The following SH3RF3 variants were observed in gnomAD, a reference collection of about 807,000 sequenced individuals.
The protein encoded by SH3RF3 is E3 ubiquitin-protein ligase SH3RF3.
Under a neutral mutation model 66.3 loss-of-function variants are expected in SH3RF3, and 29 were observed. The observed-to-expected ratio is 0.44, with a 90% confidence interval of 0.33 to 0.60. SH3RF3 has a LOEUF of 0.60. SH3RF3 is among the 20% of genes least tolerant of loss of function. The pLI, the probability that SH3RF3 is intolerant of heterozygous loss-of-function variation, is 0.04. For missense variants in SH3RF3, 1,194 were observed against 1,190.9 expected, an observed-to-expected ratio of 1.00 and a Z score of -0.04; for synonymous variants, 583 against 532.0, an observed-to-expected ratio of 1.10 and a Z score of -1.32.
intron 8 of SH3RF3, among the ~76,000 whole-genome samples, chr2:109,474,144 C>T (rs1452571751): frequency 6.6e-6 from 1 of 152,082 alleles, no homozygotes. Context: ...CGCAGGTGGC[C>T]AGGGAAGCTT....
intron 3 of SH3RF3, among the ~76,000 whole-genome samples, chr2:109,391,703 G>A (rs1423352471): frequency 6.6e-6 from 1 of 152,194 alleles, no homozygotes; most frequent in Non-Finnish European, 1.5e-5. Context: ...ACAGGCCTCT[G>A]AGGCCACTAC....
chr2:109,355,548 T>C (rs1316392334), intron 2 of SH3RF3, among the ~76,000 whole-genome samples: 1 of 152,242 alleles, frequency 6.6e-6, no homozygotes, highest in African/African-American at 2.4e-5. Context: ...TCTGGCTCTT[T>C]CTAGAAAACG....
chr2:109,206,127 C>A (rs1446384180), intron 1 of SH3RF3, among the ~76,000 whole-genome samples: 1 of 152,174 alleles, frequency 6.6e-6, no homozygotes, highest in African/African-American at 2.4e-5. Flanking sequence ...CCCTCTCTCC[C>A]TGGAGGTTTT....
chr2:109,140,882 C>A (rs1676932148), intron 1 of SH3RF3, among the ~76,000 whole-genome samples: 1 of 152,168 alleles, frequency 6.6e-6, no homozygotes, highest in African/African-American at 2.4e-5. Flanking sequence ...TATCAGTTTT[C>A]CACTTGGTAC....
intron 1 of SH3RF3, among the ~76,000 whole-genome samples, chr2:109,150,122 C>CA (rs1677196450): frequency 6.6e-6 from 1 of 152,130 alleles, no homozygotes; most frequent in African/African-American, 2.4e-5. Context: ...AGAAGGCCAA[C>CA]AAAAGGTGGT....
chr2:109,245,874 A>G (rs1317581353), intron 1 of SH3RF3, among the ~76,000 whole-genome samples: 3 of 152,224 alleles, frequency 2.0e-5, no homozygotes, highest in African/African-American at 4.8e-5. Flanking sequence ...AACACTTGAA[A>G]TCTAGAGTAC....
intron 1 of SH3RF3, among the ~76,000 whole-genome samples, chr2:109,136,626 A>G (rs1042488472): frequency 1.3e-4 from 20 of 152,096 alleles, no homozygotes; most frequent in African/African-American, 4.6e-4. Context: ...CCTTTGGGAG[A>G]CCTGAAGGAG....
intron 8 of SH3RF3, among the ~76,000 whole-genome samples, chr2:109,464,034 A>G (rs1007628909): frequency 1.3e-5 from 2 of 152,190 alleles, no homozygotes; most frequent in South Asian, 4.1e-4. Context: ...ATAGCTCTAG[A>G]AAGGAGAACA....
chr2:109,211,421 G>T (rs899761085), intron 1 of SH3RF3, among the ~76,000 whole-genome samples: 1 of 152,234 alleles, frequency 6.6e-6, no homozygotes, highest in African/African-American at 2.4e-5. Context: ...AAGCCCTGGC[G>T]AGGTAAGAAG....
At chr2:109,356,662 C>T (rs905479869) in intron 2 of SH3RF3, among the ~76,000 whole-genome samples, 1 of 152,164 alleles carries the variant, frequency 6.6e-6, no homozygotes, top group Non-Finnish European at 1.5e-5. Context: ...GAGGAGCAAC[C>T]TGACCCTGCT....
intron 1 of SH3RF3, among the ~76,000 whole-genome samples, chr2:109,167,676 A>AT (rs1346762877): frequency 1.3e-5 from 2 of 152,136 alleles, no homozygotes; most frequent in Non-Finnish European, 2.9e-5. Context: ...GGTTCAAGCG[A>AT]TTCTCCTACT....
chr2:109,347,774 G>T lies in SH3RF3; in HGVS notation c.674G>T (p.Arg225Leu). 1.2e-6 allele frequency: 2 copies of T among 1,613,962 alleles called. No individual in the cohort carries two copies. Among genetic ancestry groups the T allele is most frequent in the Non-Finnish European group, 8.5e-7 (1 of 1,179,866 alleles). ...FNKGDIIVLR[R>L]KVDEQWYHGE... ...AAGGGGGACATCATCGTCCTGCGGC[G>T]CAAGGTGGATGAACAGTGGTACCAC... Residue 225 changes from arginine (R) to leucine (L), a missense_variant, in exon 2 of 10, where the codon CGC becomes CTC. Transcript: ENST00000309415.
At chr2:109,490,482 G>T (rs1558643258) in intron 8 of SH3RF3, 123 bp from the exon 9 acceptor site, 1 of 878,272 alleles carries the variant, frequency 1.1e-6, no homozygotes. Context: ...AAAGTCTTTT[G>T]TCTGAAAAAA....
intron 1 of SH3RF3, among the ~76,000 whole-genome samples, chr2:109,250,942 G>A (rs372292763): frequency 1.7e-4 from 25 of 151,422 alleles, no homozygotes; most frequent in African/African-American, 5.8e-4. Context: ...CTAAATTAAC[G>A]TTGTTTAGGC....
intron 1 of SH3RF3, among the ~76,000 whole-genome samples, chr2:109,201,249 G>C (rs1367639627): frequency 6.6e-6 from 1 of 152,252 alleles, no homozygotes; most frequent in Non-Finnish European, 1.5e-5. Context: ...ATTTTGCAAA[G>C]TGAAAATTTT....
At chr2:109,309,830 G>T (rs1395433327) in intron 1 of SH3RF3, among the ~76,000 whole-genome samples, 1 of 113,430 alleles carries the variant, frequency 8.8e-6, no homozygotes, top group Non-Finnish European at 1.7e-5. Context: ...GGAGCACCCA[G>T]ATTCATAAAG....
intron 1 of SH3RF3, among the ~76,000 whole-genome samples, chr2:109,269,649 C>T (rs542613952): frequency 1.3e-5 from 2 of 152,146 alleles, no homozygotes; most frequent in Non-Finnish European, 2.9e-5. Context: ...GACATGGTGG[C>T]GTGTGCCTAG....
intron 1 of SH3RF3, among the ~76,000 whole-genome samples, chr2:109,151,388 TC>T (rs1677222583): frequency 1.3e-5 from 2 of 152,172 alleles, no homozygotes; most frequent in African/African-American, 4.8e-5. Context: ...AAATAAACCA[TC>T]CTTTGATGGT....
At chr2:109,136,215 T>C (rs1382687075) in intron 1 of SH3RF3, among the ~76,000 whole-genome samples, 3 of 151,110 alleles carry the variant, frequency 2.0e-5, no homozygotes, top group African/African-American at 7.4e-5. Flanking sequence ...ATGATCTTTT[T>C]TGAGGTGCAT....
Sources: allele counts gnomAD v4.1 joint callset (sites outside exome capture counted in the v4.1 genomes callset), GRCh38; gene constraint gnomAD v4.1.1; transcripts MANE v1.5; gene names NCBI Gene and HGNC (gene_info 2026-07-23, HGNC 2026-07-21).